The following CASD1 variants were observed in gnomAD, a reference collection of about 807,000 sequenced individuals.
The protein encoded by CASD1 is N-acetylneuraminate (7)9-O-acetyltransferase.
A neutral mutation model predicts 100.0 loss-of-function variants in CASD1; 41 were observed. The ratio of observed to expected loss-of-function variants is 0.41; its 90% CI spans 0.32 to 0.53. The LOEUF (loss-of-function observed/expected upper bound fraction) is 0.53, where lower values mean the gene tolerates loss of function less well. Ranked by LOEUF, CASD1 falls within the 20% of genes least tolerant of loss-of-function variation. The pLI is 0.25. For synonymous variants in CASD1, 321 were observed against 315.6 expected (o/e 1.02, Z -0.18); for missense variants, 774 against 948.7 (o/e 0.82, Z 2.42).
At chr7:94,605,307 T>G in the CASD1 span, among the ~76,000 whole-genome samples, 1 of 151,712 alleles carries the variant, frequency 6.6e-6, no homozygotes, top group African/African-American at 2.4e-5. Flanking sequence ...AGATGGAAAA[T>G]GATATAAGTC....
intron 7 of CASD1, among the ~76,000 whole-genome samples, chr7:94,534,159 A>ATTTTT (rs56864121): frequency 2.0e-5 from 2 of 100,538 alleles, no homozygotes; most frequent in Non-Finnish European, 3.8e-5. Flanking sequence ...CTGTTTCATA[A>ATTTTT]TTTTTTTTTT....
intron 12 of CASD1, 61 bp downstream of exon 12, chr7:94,545,762 G>A (rs1795647658): frequency 1.4e-5 from 14 of 1,023,024 alleles, no homozygotes; most frequent in East Asian, 2.6e-5. Context: ...AAATTTCTTT[G>A]TAGTTGCTAA....
At chr7:94,563,599 C>G in the CASD1 span, among the ~76,000 whole-genome samples, 4 of 152,012 alleles carry the variant, frequency 2.6e-5, no homozygotes, top group East Asian at 7.7e-4. Flanking sequence ...TCTGTTTTGA[C>G]TGTTATTTCT....
the CASD1 span, chr7:94,617,001 C>T: frequency 5.9e-5 from 9 of 152,304 alleles, 1 homozygote; most frequent in Admixed American, 3.9e-4. Flanking sequence ...AAATATCTGA[C>T]GGCATGTGCC....
chr7:94,519,134 G>A (rs961983384), intron 3 of CASD1, among the ~76,000 whole-genome samples: 1 of 152,034 alleles, frequency 6.6e-6, no homozygotes, highest in Non-Finnish European at 1.5e-5. Context: ...TATTGATTTT[G>A]TTAGGAAATT....
rs759764626 is a variant in CASD1, at chr7:94,535,336, A to G, written c.656A>G (p.Glu219Gly). The change falls in exon 8 of 18, where the codon GAA (glutamate) becomes GGA (glycine). Residue 219 changes from glutamate to glycine, a missense_variant. By Grantham distance (98) the Glu-to-Gly change is moderately conservative. Around this residue, in one of 5 missense-constraint regions of CASD1, gnomAD observed 453 missense variants for 532.6 expected, o/e 0.85. Coordinates refer to ENST00000297273, the MANE Select transcript of CASD1 (RefSeq NM_022900.5). ...QDPVYEDLLS[E>G]NRKMITNEKI... Reference sequence around the variant, plus strand: ...CCTGTTTATGAAGATCTATTAAGTGAAAATAGGAAGATGATCACTAATGAG... The same window carrying G: ...CCTGTTTATGAAGATCTATTAAGTGGAAATAGGAAGATGATCACTAATGAG... 3.1e-6 allele frequency: 5 copies of G among 1,613,166 alleles called. No homozygotes were observed. In the East Asian group the frequency reaches 1.1e-4, roughly 36 times the overall value.
chr7:94,543,978 A>C (rs1353853016), intron 10 of CASD1, among the ~76,000 whole-genome samples: 1 of 152,182 alleles, frequency 6.6e-6, no homozygotes, highest in Admixed American at 6.5e-5. Context: ...TAATATTCCT[A>C]AATTATGTTT....
At chr7:94,601,979 T>C in the CASD1 span, among the ~76,000 whole-genome samples, 1 of 152,122 alleles carries the variant, frequency 6.6e-6, no homozygotes, top group Non-Finnish European at 1.5e-5. Context: ...AAATAAAAAA[T>C]AAAAATTCCC....
At chr7:94,551,638 A>C (rs959108744) in intron 15 of CASD1, 160 bp downstream of exon 15, 1 of 284,942 alleles carries the variant, frequency 3.5e-6, no homozygotes, top group Non-Finnish European at 6.2e-6. Flanking sequence ...AATTGATAGG[A>C]TAGCTAGACA....
At chr7:94,606,836 A>G in the CASD1 span, among the ~76,000 whole-genome samples, 21,014 of 152,170 alleles carry the variant, frequency 0.14, 1,598 homozygotes, top group South Asian at 0.24. Context: ...ACTACTAGGA[A>G]ACTAAGCAAC....
At chr7:94,564,369 G>T in the CASD1 span, among the ~76,000 whole-genome samples, 1 of 152,178 alleles carries the variant, frequency 6.6e-6, no homozygotes, top group South Asian at 2.1e-4. Flanking sequence ...CACTATCCCT[G>T]CATTCTTTGG....
At chr7:94,628,002 A>G in the CASD1 span, 471 of 527,130 alleles carry the variant, frequency 8.9e-4, 2 homozygotes, top group African/African-American at 7.9e-3. Flanking sequence ...TTTTAATATA[A>G]AAGCTGAAAC....
downstream of CASD1, among the ~76,000 whole-genome samples, chr7:94,560,358 C>G (rs1796319952): frequency 6.6e-6 from 1 of 152,156 alleles, no homozygotes; most frequent in African/African-American, 2.4e-5. Flanking sequence ...CACCTCTAGA[C>G]CCTGTCACTG....
At chr7:94,528,009 G>A (rs1052732036) in intron 4 of CASD1, among the ~76,000 whole-genome samples, 179 bp from the exon 5 acceptor site, 1 of 152,218 alleles carries the variant, frequency 6.6e-6, no homozygotes, top group Non-Finnish European at 1.5e-5. Context: ...GAAGACAAAA[G>A]TGGATTCAAG....
At chr7:94,537,187 G>T (rs913894980) in intron 8 of CASD1, among the ~76,000 whole-genome samples, 1 of 152,068 alleles carries the variant, frequency 6.6e-6, no homozygotes, top group Non-Finnish European at 1.5e-5. Flanking sequence ...ATCTCAGAGT[G>T]CATTCCAAGT....
At chr7:94,510,754 G>C (rs1477642821) in intron 1 of CASD1, among the ~76,000 whole-genome samples, 1 of 152,272 alleles carries the variant, frequency 6.6e-6, no homozygotes, top group African/African-American at 2.4e-5. Context: ...GGCAAGGGCC[G>C]CCCCCATTTT....
At chr7:94,628,300 G>A in the CASD1 span, 8 of 1,611,552 alleles carry the variant, frequency 5.0e-6, no homozygotes, top group South Asian at 1.1e-5. Context: ...AGCCATCCAG[G>A]TCGGTCTGGG....
Position 94,537,486 on chromosome 7 carries a change from T to C in CASD1, c.858T>C (p.Leu286=), listed in dbSNP as rs764504377. Residue 286 remains leucine, a synonymous_variant, in exon 9 of 18, where the codon CTT becomes CTC. Coordinates refer to ENST00000297273, the MANE Select transcript of CASD1 (RefSeq NM_022900.5). ...ESSRETTAMI[L]MNVYCNKILK... Reference sequence around the variant, plus strand: ...TTTGTTCACAGACTGCAATGATTCTTATGAATGTGTATTGCAATAAGATTT... The same window carrying C: ...TTTGTTCACAGACTGCAATGATTCTCATGAATGTGTATTGCAATAAGATTT... 7 of 1,605,454 alleles carry C rather than the reference T, an allele frequency of 4.4e-6. No individual in the cohort carries two copies. The South Asian group carries it at 7.8e-5, about 18-fold the overall frequency.
At position 94,510,110 on chromosome 7, in the gene CASD1, G is replaced by T. The variant is rs1429617542; in HGVS notation, c.26G>T (p.Gly9Val). The T allele has an allele frequency of 4.6e-6, 7 of 1,529,826 alleles. No individual in the cohort carries two copies. The highest frequency in any genetic ancestry group is 8.8e-7 in the Non-Finnish European group (1 of 1,137,130). 94.8% of individuals were successfully genotyped at this position (1,529,826 alleles called of 1,614,324 possible). The change falls in exon 1 of 18, where the codon GGC (glycine) becomes GTC (valine). Residue 9 changes from glycine to valine, a missense_variant. Physicochemically the swap from Gly to Val is moderately radical, Grantham distance 109. Around this residue, in one of 5 missense-constraint regions of CASD1, gnomAD observed 75 missense variants for 60.9 expected, o/e 1.23. Coordinates refer to ENST00000297273, the MANE Select transcript of CASD1 (RefSeq NM_022900.5). ...ATGGCGGCTCTGGCCTACAACCTGG[G>T]CAAGCGGGAGATCAACCACTACTTC... Reference protein sequence around the residue: MAALAYNLGKREINHYFSV... With the variant: MAALAYNLVKREINHYFSV...
Sources: allele counts gnomAD v4.1 joint callset (sites outside exome capture counted in the v4.1 genomes callset), GRCh38; gene constraint gnomAD v4.1.1; regional missense constraint gnomAD v4.1.1; transcripts MANE v1.5; gene names NCBI Gene and HGNC (gene_info 2026-07-23, HGNC 2026-07-21).